The following UBE2F variants were observed in gnomAD, a reference collection of about 807,000 sequenced individuals.
UBE2F encodes the protein NEDD8-conjugating enzyme UBE2F.
In UBE2F, 5 loss-of-function variants were observed where a neutral mutation model predicts 29.6. That is an observed-to-expected ratio of 0.17 (90% CI 0.09 to 0.36). The LOEUF is 0.36. UBE2F is among the 10% of genes least tolerant of loss of function. The pLI is 1.00. For missense variants in UBE2F, 141 were observed against 228.5 expected, an observed-to-expected ratio of 0.62 and a Z score of 2.47; for synonymous variants, 66 against 81.8, an observed-to-expected ratio of 0.81 and a Z score of 1.04.
chr2:238,007,336 G>C (rs2063929380), intron 4 of UBE2F, among the ~76,000 whole-genome samples: 1 of 151,718 alleles, frequency 6.6e-6, no homozygotes, highest in African/African-American at 2.4e-5. Context: ...TGGCCAGGCT[G>C]GTCTCGAACT....
chr2:238,023,369 C>T (rs2064338761), intron 5 of UBE2F, among the ~76,000 whole-genome samples: 1 of 152,180 alleles, frequency 6.6e-6, no homozygotes, highest in African/African-American at 2.4e-5. Flanking sequence ...ATTCTTTGTC[C>T]TCAGACACAT....
chr2:238,038,050 C>G (rs574582066), intron 9 of UBE2F, among the ~76,000 whole-genome samples: 2 of 152,324 alleles, frequency 1.3e-5, no homozygotes, highest in African/African-American at 4.8e-5. Context: ...TCGCTACAGT[C>G]TTGAGCTCAG....
intron 6 of UBE2F, among the ~76,000 whole-genome samples, chr2:238,029,595 CAAA>C (rs10557852): frequency 6.4e-4 from 86 of 134,956 alleles, no homozygotes; most frequent in Admixed American, 9.6e-4. Flanking sequence ...GACTCCGTCT[CAAA>C]AAAAAAAAAA....
At chr2:238,001,033 C>CTT (rs371184007) in intron 4 of UBE2F, among the ~76,000 whole-genome samples, 31,468 of 111,778 alleles carry the variant, frequency 0.28, 6,228 homozygotes, top group Non-Finnish European at 0.37. Flanking sequence ...AGAGTTTTGC[C>CTT]TTTTTTTTTT....
At chr2:238,021,533 C>T (rs2064292166) in intron 5 of UBE2F, among the ~76,000 whole-genome samples, 1 of 152,208 alleles carries the variant, frequency 6.6e-6, no homozygotes. Flanking sequence ...GCTTTCCCGT[C>T]ATAATATGAT....
At chr2:237,980,326 G>A (rs1254618877) in intron 2 of UBE2F, among the ~76,000 whole-genome samples, 1 of 152,190 alleles carries the variant, frequency 6.6e-6, no homozygotes, top group African/African-American at 2.4e-5. Context: ...CTAAACAATA[G>A]GCATGTGTTT....
chr2:238,027,516 G>A (rs2064460030), intron 6 of UBE2F, among the ~76,000 whole-genome samples: 1 of 152,200 alleles, frequency 6.6e-6, no homozygotes, highest in Non-Finnish European at 1.5e-5. Context: ...GTGACAGAGA[G>A]CGAGCAGGCT....
chr2:237,967,172 C>T lies in UBE2F; in HGVS notation c.-17+40C>T. The stretch of plus-strand genomic sequence containing the variant: ...TGCGGCTCTGCGGCGGGGCGAGGTG[C>T]GGCCGCCGGTGCACGGGCTGGCCTG... On this transcript the variant is annotated intron_variant, in intron 1 of 9. Transcript: ENST00000272930. The surrounding 1 kb of genome is among the most constrained non-coding windows in gnomAD (Gnocchi z 6.3). 1.7e-6 allele frequency: 2 copies of T among 1,155,606 alleles called. No individual in the cohort carries two copies. The highest frequency in any genetic ancestry group is 2.1e-6 in the Non-Finnish European group (2 of 939,276). 71.6% of individuals were successfully genotyped at this position (1,155,606 alleles called of 1,614,324 possible).
chr2:238,017,022 G>C (rs2064170899), intron 5 of UBE2F, among the ~76,000 whole-genome samples: 1 of 152,190 alleles, frequency 6.6e-6, no homozygotes, highest in African/African-American at 2.4e-5. Context: ...GTGACTTGTA[G>C]TTTAAACTAT....
At chr2:238,025,315 ATCTC>A (rs755519456) in intron 5 of UBE2F, 23 bp from the exon 6 acceptor site, 154 of 1,605,028 alleles carry the variant, frequency 9.6e-5, no homozygotes, top group Non-Finnish European at 1.3e-4. Context: ...TGTCGGCGTG[ATCTC>A]TCTCATTGTC....
chr2:238,025,312 G>A (rs745754339), intron 5 of UBE2F, 30 bp from the exon 6 acceptor site: 33 of 1,599,732 alleles, frequency 2.1e-5, no homozygotes, highest in East Asian at 8.9e-5. Context: ...GACTGTCGGC[G>A]TGATCTCTCT....
intron 4 of UBE2F, 58 bp downstream of exon 4, chr2:237,994,867 C>A: frequency 7.2e-7 from 1 of 1,387,652 alleles, no homozygotes; most frequent in South Asian, 1.2e-5. Context: ...AAAGGCTGCC[C>A]AAACCTGTAA....
rs1052273646 is a variant in UBE2F, at chr2:237,994,599, C to T, written c.149-145C>T. ...GAGTATTGGCACGATTATTATCAGA[C>T]AAATAGGGAGGGAGATCTACCAACT... On this transcript the variant is annotated intron_variant, in intron 3 of 9. Transcript: ENST00000272930. 1.5e-4 allele frequency: 95 copies of T among 626,314 alleles called. 2 individuals are homozygous for T. In the African/African-American group the frequency reaches 1.7e-3, roughly 11 times the overall value. 38.8% of individuals were successfully genotyped at this position (626,314 alleles called of 1,614,324 possible). A position where few individuals can be genotyped will look rare whatever the true frequency, so the allele number is the denominator to read the frequency against.
At chr2:238,034,351 C>G (rs1393851610) in intron 8 of UBE2F, among the ~76,000 whole-genome samples, 1 of 151,914 alleles carries the variant, frequency 6.6e-6, no homozygotes, top group Non-Finnish European at 1.5e-5. Context: ...TCGCTTGAAT[C>G]CAAGAGGTGG....
chr2:238,013,569 G>A (rs560631687), intron 4 of UBE2F, among the ~76,000 whole-genome samples: 4 of 152,236 alleles, frequency 2.6e-5, no homozygotes, highest in African/African-American at 7.2e-5. Context: ...TGGCCTCAAG[G>A]GCGTTGTCCA....
chr2:238,025,617 C>T (rs1262152666), intron 6 of UBE2F, among the ~76,000 whole-genome samples: 1 of 152,164 alleles, frequency 6.6e-6, no homozygotes, highest in African/African-American at 2.4e-5. Context: ...CTTCTCTTGG[C>T]CCTCTGGGGG....
At chr2:237,991,474 G>A (rs533019194) in intron 3 of UBE2F, among the ~76,000 whole-genome samples, 236 of 151,552 alleles carry the variant, frequency 1.6e-3, no homozygotes, top group South Asian at 0.011. Context: ...CAGATAGACT[G>A]AAATATTAGA....
chr2:237,988,996 G>A (rs979113470), intron 3 of UBE2F, among the ~76,000 whole-genome samples: 5 of 152,126 alleles, frequency 3.3e-5, no homozygotes, highest in Non-Finnish European at 7.3e-5. Flanking sequence ...AATACATGTC[G>A]TATTCTCTCT....
chr2:238,006,371 A>G (rs1313640857), intron 4 of UBE2F, among the ~76,000 whole-genome samples: 1 of 152,246 alleles, frequency 6.6e-6, no homozygotes, highest in East Asian at 1.9e-4. Context: ...ATCACATTTC[A>G]ACATGAGATT....
Sources: allele counts gnomAD v4.1 joint callset (sites outside exome capture counted in the v4.1 genomes callset), GRCh38; gene constraint gnomAD v4.1.1; non-coding constraint Gnocchi (gnomAD v3.1); transcripts MANE v1.5; gene names NCBI Gene and HGNC (gene_info 2026-07-23, HGNC 2026-07-21).